The following PEAR1 variants were observed in gnomAD, a reference collection of about 807,000 sequenced individuals.
PEAR1 encodes the protein multiple EGF-like domains protein 12.
Under a neutral mutation model 131.2 loss-of-function variants are expected in PEAR1, and 113 were observed. The observed-to-expected ratio is 0.86, with a 90% CI of 0.74 to 1.01. The LOEUF is 1.01. Ranked by LOEUF, PEAR1 falls within the 50% of genes least tolerant of loss-of-function variation. The pLI, the probability that PEAR1 is intolerant of heterozygous loss-of-function variation, is 0.00. For missense variants in PEAR1, 1,408 were observed against 1,391.1 expected (o/e 1.01, Z -0.19); for synonymous variants, 565 against 523.3 (o/e 1.08, Z -1.09).
intron 4 of PEAR1, 73 bp downstream of exon 4, chr1:156,905,497 C>A: frequency 1.5e-6 from 2 of 1,313,010 alleles, no homozygotes; most frequent in Non-Finnish European, 2.1e-6. Context: ...TCTTCTGAGT[C>A]CCTCCCGGCC....
intron 1 of PEAR1, among the ~76,000 whole-genome samples, chr1:156,894,934 A>T (rs1236804901): frequency 2.6e-5 from 4 of 152,196 alleles, no homozygotes; most frequent in African/African-American, 9.7e-5. Context: ...AACCCCACTC[A>T]AAACCAGCTC....
chr1:156,913,270 A>T lies in PEAR1; in HGVS notation c.2499A>T (p.Pro833=). 6.2e-7 allele frequency: 1 copy of T among 1,603,232 alleles called. No individual in the cohort carries two copies. The highest frequency in any genetic ancestry group is 1.3e-5 in the African/African-American group (1 of 74,412). Residue 833 remains proline, a synonymous_variant, in exon 19 of 23, where the codon CCA becomes CCT. Transcript: ENST00000292357. ...HTLSQCSPNP[P]PPNKVPGPLF... ...TGTCGCAGTGCTCCCCAAACCCCCC[A>T]CCCCCTAACAAGGTCAGTGCCGGGG...
At chr1:156,910,792 T>C (rs1332520806) in intron 15 of PEAR1, 49 bp downstream of exon 15, 1 of 1,607,192 alleles carries the variant, frequency 6.2e-7, no homozygotes, top group Non-Finnish European at 8.5e-7. Flanking sequence ...TGAGAGGGGG[T>C]GCTGAGGACG....
rs1479661849 is a variant in PEAR1, at chr1:156,914,707, A to T, written c.3023A>T (p.Asp1008Val). Residue 1008 changes from aspartate (D) to valine (V), a missense_variant, in exon 23 of 23, where the codon GAC becomes GTC. Transcript: ENST00000292357. ...CCGGGCCTACCCCCCGGCCACTATG[A>T]CTCACCCAAGAACAGCCACATCCCT... ...LPPGLPPGHY[D>V]SPKNSHIPGH... The T allele has an allele frequency of 6.2e-7, 1 of 1,613,478 alleles. No individual in the cohort carries two copies. Among genetic ancestry groups the T allele is most frequent in the Non-Finnish European group, 8.5e-7 (1 of 1,179,752 alleles).
In PEAR1 at chr1:156,913,241, A is replaced by G. The variant is rs1244357104; in HGVS notation, c.2470A>G (p.Thr824Ala). 1.2e-5 allele frequency: 20 copies of G among 1,613,286 alleles called. No individual in the cohort carries two copies. The highest frequency in any genetic ancestry group is 1.7e-5 in the Non-Finnish European group (20 of 1,179,734). Residue 824 changes from threonine to alanine, a missense_variant, in exon 19 of 23, where the codon ACC becomes GCC. By Grantham distance (58) the Thr-to-Ala change is moderately conservative (BLOSUM62 0). Transcript: ENST00000292357. ...SHYYSNPSYH[T>A]LSQCSPNPPP... ...CTACTACTCCAACCCCAGCTACCAC[A>G]CCCTGTCGCAGTGCTCCCCAAACCC...
chr1:156,899,431 G>A (rs565536041), intron 1 of PEAR1, among the ~76,000 whole-genome samples: 4 of 152,262 alleles, frequency 2.6e-5, no homozygotes, highest in Admixed American at 6.5e-5. Flanking sequence ...CATCGTTTTG[G>A]GGGATCAGGT....
At position 156,910,644 on chromosome 1, in the gene PEAR1, C is replaced by A. The variant is rs747142528; in HGVS notation, c.1852C>A (p.Arg618Ser). Residue 618 changes from arginine to serine, a missense_variant, in exon 15 of 23, where the codon CGC (arginine) becomes AGC (serine). Physicochemically the swap from Arg to Ser is moderately radical, Grantham distance 110 (BLOSUM62 -1). Transcript: ENST00000292357. ...CTGTCAGCCTGGCCGCTATGGCAAA[C>A]GCTGTGTGCCCTGCAAGTGCGCTAA... Reference protein sequence around the residue: ...RSCQPGRYGKRCVPCKCANHS... With the variant: ...RSCQPGRYGKSCVPCKCANHS... 1 of 1,614,088 alleles carries A rather than the reference C, an allele frequency of 6.2e-7. No individual in the cohort carries two copies. Among genetic ancestry groups the A allele is most frequent in the Non-Finnish European group, 8.5e-7 (1 of 1,180,026 alleles).
In PEAR1 at chr1:156,913,376, A is replaced by G. The variant is rs1280910917; in HGVS notation, c.2512-15A>G. ...CCTTGCCTCTTGCTCTCCCTCCTGCACTGTCCCCTCTTAGGTTCCAGGCCC... is the reference window on the plus strand; with the variant it reads ...CCTTGCCTCTTGCTCTCCCTCCTGCGCTGTCCCCTCTTAGGTTCCAGGCCC... On this transcript the variant is annotated splice_polypyrimidine_tract_variant and intron_variant, in intron 19 of 22. Transcript: ENST00000292357. 1.9e-6 allele frequency: 3 copies of G among 1,612,426 alleles called. No homozygotes were observed. Among genetic ancestry groups the G allele is most frequent in the African/African-American group, 1.3e-5 (1 of 74,738 alleles).
At chr1:156,907,483 C>T (rs981568592) in intron 6 of PEAR1, 127 bp from the exon 7 acceptor site, 1 of 1,446,146 alleles carries the variant, frequency 6.9e-7, no homozygotes, top group East Asian at 2.5e-5. Context: ...TCGACAGTCC[C>T]CAGCAGGAAA....
intron 4 of PEAR1, among the ~76,000 whole-genome samples, 169 bp downstream of exon 4, chr1:156,905,593 C>T (rs1016654905): frequency 2.6e-5 from 4 of 152,052 alleles, no homozygotes; most frequent in African/African-American, 9.7e-5. Flanking sequence ...TGGGGATCAG[C>T]ACTTCCCTCT....
At chr1:156,907,114 C>A (rs12401524) in intron 6 of PEAR1, among the ~76,000 whole-genome samples, 28,983 of 152,144 alleles carry the variant, frequency 0.19, 3,405 homozygotes, top group East Asian at 0.39. Context: ...GTCTACATGG[C>A]AGGGTGGCTG....
intron 1 of PEAR1, among the ~76,000 whole-genome samples, chr1:156,900,443 G>A (rs1649572265): frequency 6.6e-6 from 1 of 152,006 alleles, no homozygotes; most frequent in South Asian, 2.1e-4. Flanking sequence ...ATCATGGGGA[G>A]TCCTCTGCCA....
rs557913818 is a variant in PEAR1 at position 156,908,217 on chromosome 1, A to G, written c.992A>G (p.Asn331Ser). The G allele has an allele frequency of 1.2e-6, 2 of 1,603,000 alleles. No individual in the cohort carries two copies. The highest frequency in any genetic ancestry group is 1.3e-5 in the African/African-American group (1 of 75,006). ...CCGGACGCCCGTTGCTTCCCGGCCA[A>G]CGGCGCATGTCTGTGCGAACACGGC... ...CAPDARCFPA[N>S]GACLCEHGFT... The change falls in exon 9 of 23, where the codon AAC becomes AGC. Residue 331 changes from asparagine to serine, a missense_variant. Asn to Ser is a conservative substitution (Grantham distance 46, BLOSUM62 1). Transcript: ENST00000292357. The surrounding 1 kb of genome is among the most constrained non-coding windows in gnomAD (Gnocchi z 4.2).
chr1:156,905,546 C>T lies in PEAR1; in HGVS notation c.307+122C>T, dbSNP rs950005482. 3 of 813,536 alleles carry T rather than the reference C, an allele frequency of 3.7e-6. No individual in the cohort carries two copies. In the African/African-American group the frequency reaches 5.4e-5, roughly 15 times the overall value. 50.4% of individuals were successfully genotyped at this position (813,536 alleles called of 1,614,324 possible). ...GGTTACTCCTCTGCCCTTTTGGGTT[C>T]CCCCCTCCTCTCCTCTCCCTGGCCT... On this transcript the variant is annotated intron_variant, in intron 4 of 22. Coordinates refer to ENST00000292357, the MANE Select transcript of PEAR1 (RefSeq NM_001080471.3).
chr1:156,911,093 C>CTTTCCTTT (rs56231265), intron 15 of PEAR1, among the ~76,000 whole-genome samples: 1 of 74,062 alleles, frequency 1.4e-5, no homozygotes, highest in Non-Finnish European at 2.6e-5. Context: ...TTCTTTCTTT[C>CTTTCCTTT]CTTTCTTTCT....
In PEAR1 at chr1:156,908,139, A is replaced by C. The variant is rs770723890; in HGVS notation, c.914A>C (p.Glu305Ala). The part of the protein sequence containing the change: ...PGYTGDRCRE[E>A]CPVGRFGQDC... ...AGCTAGGTGCCCAGGTGCCGGGAGGAGTGCCCGGTGGGCCGCTTTGGGCAG... is the reference window on the plus strand; with the variant it reads ...AGCTAGGTGCCCAGGTGCCGGGAGGCGTGCCCGGTGGGCCGCTTTGGGCAG... The change falls in exon 9 of 23, where the codon GAG becomes GCG. Residue 305 changes from glutamate (E) to alanine (A), a missense_variant. Transcript: ENST00000292357. The surrounding 1 kb of genome is among the most constrained non-coding windows in gnomAD (Gnocchi z 4.2). The C allele has an allele frequency of 4.4e-6, 7 of 1,598,014 alleles. No individual in the cohort carries two copies. The South Asian group carries it at 7.8e-5, about 18-fold the overall frequency.
rs1485712421 is a variant in PEAR1 at position 156,902,501 on chromosome 1, G to A, written c.-9-1417G>A. Among the ~76,000 whole-genome samples the A allele has an allele frequency of 6.6e-6, 1 of 152,110 alleles. No individual in the cohort carries two copies. On this transcript the variant is annotated intron_variant, in intron 1 of 22. Coordinates refer to ENST00000292357, the MANE Select transcript of PEAR1 (RefSeq NM_001080471.3). This position sits in a 1 kb window ranked among gnomAD's most constrained non-coding sequence, Gnocchi z 4.3. ...TAAAGGTGAAGGAGGAACATGGGCG[G>A]CTGAGATGGGGTTAATTTAGGAGCC...
At position 156,908,007 on chromosome 1, in the gene PEAR1, A is replaced by G. The variant is rs149950504; in HGVS notation, c.858A>G (p.Arg286=). 1.3e-4 allele frequency: 205 copies of G among 1,520,920 alleles called. 1 individual carries two copies. In the African/African-American group the frequency reaches 1.9e-3, roughly 14 times the overall value. 94.2% of individuals were successfully genotyped at this position (1,520,920 alleles called of 1,614,324 possible). A position where few individuals can be genotyped will look rare whatever the true frequency, so the allele number is the denominator to read the frequency against. The change falls in exon 8 of 23, where the codon CGA becomes CGG. Residue 286 remains arginine, a synonymous_variant. Transcript: ENST00000292357. The surrounding 1 kb of genome is among the most constrained non-coding windows in gnomAD (Gnocchi z 4.2). ...GCCACAACGGCGGCCTCTGTGACCG[A>G]TTCACTGGGCAGTGCCGCTGCGCTC... ...CRCHNGGLCD[R]FTGQCRCAPG...
intron 15 of PEAR1, among the ~76,000 whole-genome samples, chr1:156,911,184 C>CT (rs1553269451): frequency 3.1e-4 from 32 of 104,416 alleles, no homozygotes; most frequent in African/African-American, 1.1e-3. Context: ...TCTTTTCTTT[C>CT]TTCTTTCTTT....
Sources: gnomAD v4.1 joint callset for allele counts (sites outside exome capture counted in the v4.1 genomes callset) on GRCh38, gnomAD v4.1.1 for gene constraint, Gnocchi (gnomAD v3.1) non-coding constraint, MANE v1.5 for transcripts, NCBI Gene and HGNC (gene_info 2026-07-23, HGNC 2026-07-21) for gene names.